Variants in TANC2 observed in about 807,000 individuals in gnomAD.
TANC2 encodes tetratricopeptide repeat, ankyrin repeat and coiled-coil containing 2.
TANC2 carries 26 observed loss-of-function variants against 210.5 expected under a neutral mutation model. The observed-to-expected ratio is 0.12, with a 90% confidence interval of 0.09 to 0.17. The LOEUF (loss-of-function observed/expected upper bound fraction) is 0.17. Among genes scored for constraint, TANC2 ranks in the 10% least tolerant of loss-of-function variants. TANC2 has a pLI of 1.00. For synonymous variants in TANC2, 931 were observed against 967.1 expected (o/e 0.96, Z 0.69); for missense variants, 2,129 against 2,608.9 (o/e 0.82, Z 4.01).
intron 4 of TANC2, among the ~76,000 whole-genome samples, chr17:63,104,909 G>A (rs1302005402): frequency 6.6e-6 from 1 of 151,554 alleles, no homozygotes; most frequent in African/African-American, 2.4e-5. Flanking sequence ...TCTAAACTAG[G>A]GTTGATAATA....
At chr17:63,088,943 C>T (rs1286900515) in intron 3 of TANC2, 1 of 152,164 alleles carries the variant, frequency 6.6e-6, no homozygotes, top group Non-Finnish European at 1.5e-5. Context: ...AACATTAGCA[C>T]TCCTTTTGAA....
chr17:63,257,989 C>T (rs1478420607), intron 8 of TANC2, among the ~76,000 whole-genome samples: 4 of 152,064 alleles, frequency 2.6e-5, no homozygotes, highest in East Asian at 1.9e-4. Flanking sequence ...CATTAATGTC[C>T]GTTTCTTTCA....
chr17:63,238,153 T>C, intron 8 of TANC2, 76 bp downstream of exon 8: 2 of 1,426,872 alleles, frequency 1.4e-6, no homozygotes, highest in Non-Finnish European at 1.8e-6. Flanking sequence ...GAAATGAAAA[T>C]AAATCCTGCT....
intron 14 of TANC2, among the ~76,000 whole-genome samples, chr17:63,367,771 T>C (rs2047152460): frequency 1.3e-5 from 2 of 152,214 alleles, no homozygotes; most frequent in South Asian, 4.1e-4. Context: ...GCAGCTATGA[T>C]GAGAGAATAA....
At chr17:63,106,096 A>G (rs142007877) in intron 4 of TANC2, among the ~76,000 whole-genome samples, 2,486 of 151,720 alleles carry the variant, frequency 0.016, 158 homozygotes, top group African/African-American at 0.057. Flanking sequence ...GGTTTATGAG[A>G]TAAAGATTAG....
chr17:62,999,758 A>T (rs2143694955), intron 1 of TANC2, among the ~76,000 whole-genome samples: 1 of 152,310 alleles, frequency 6.6e-6, no homozygotes, highest in Admixed American at 6.5e-5. Context: ...AAAGCAATGT[A>T]AATTGTTCTA....
intron 4 of TANC2, among the ~76,000 whole-genome samples, chr17:63,128,842 A>G (rs1440205712): frequency 6.6e-6 from 1 of 152,214 alleles, no homozygotes; most frequent in Non-Finnish European, 1.5e-5. Flanking sequence ...ACTTAGGTCA[A>G]AATTTAATTG....
intron 8 of TANC2, among the ~76,000 whole-genome samples, chr17:63,251,607 C>G (rs2043055311): frequency 6.6e-6 from 1 of 152,134 alleles, no homozygotes; most frequent in Admixed American, 6.6e-5. Context: ...ATGATAGATT[C>G]AGATAACACC....
rs549091414 is a variant in TANC2, at chr17:63,319,898, G to C, written c.1575+808G>C. On this transcript the variant is annotated intron_variant, in intron 11 of 27. Transcript: ENST00000689528. ...ACAGGCAGCCACTTTTACCTCTTAAGGAAGTTTCTCTGATTTTCACCTCCA... is the reference window on the plus strand; with the variant it reads ...ACAGGCAGCCACTTTTACCTCTTAACGAAGTTTCTCTGATTTTCACCTCCA... Among the ~76,000 whole-genome samples, 4 of 152,070 alleles carry C rather than the reference G, an allele frequency of 2.6e-5. No individual in the cohort carries two copies. The East Asian group carries it at 7.7e-4, about 29-fold the overall frequency.
intron 8 of TANC2, 149 bp from the exon 9 acceptor site, chr17:63,267,599 A>G: frequency 1.6e-6 from 1 of 645,048 alleles, no homozygotes; most frequent in Non-Finnish European, 2.4e-6. Context: ...TTAAAGGCAT[A>G]AAATACATGT....
chr17:63,249,789 G>A lies in TANC2; in HGVS notation c.1033+11712G>A, dbSNP rs546666027. On this transcript the variant is annotated intron_variant, in intron 8 of 27. Coordinates refer to ENST00000689528, the Ensembl canonical transcript of TANC2. ...TATAAGGACAGCAGAATGGCTTCTT[G>A]CCCAGGCAGGAGCAAACATACAGTG... Among the ~76,000 whole-genome samples the A allele has an allele frequency of 3.3e-5, 5 of 152,254 alleles. No individual in the cohort carries two copies. The South Asian group carries it at 8.3e-4, about 25-fold the overall frequency.
Position 63,210,824 on chromosome 17 carries a change from T to C in TANC2, c.769+9867T>C, listed in dbSNP as rs1193836605. On this transcript the variant is annotated intron_variant, in intron 7 of 27. Transcript: ENST00000689528. ...TTTTAACTACTGTTTCTATGTATTA[T>C]GTTTAATACTATAGAACATTTTAGG... Among the ~76,000 whole-genome samples the C allele has an allele frequency of 2.0e-5, 3 of 152,336 alleles. No homozygotes were observed. In the South Asian group the frequency reaches 6.2e-4, roughly 32 times the overall value.
chr17:63,255,030 T>C (rs1281874675), intron 8 of TANC2, among the ~76,000 whole-genome samples: 1 of 151,718 alleles, frequency 6.6e-6, no homozygotes, highest in Non-Finnish European at 1.5e-5. Context: ...CTTTTTTGAA[T>C]AGTTTGAGTA....
chr17:63,036,844 A>AG (rs922630124), intron 2 of TANC2, among the ~76,000 whole-genome samples: 2 of 147,470 alleles, frequency 1.4e-5, no homozygotes, highest in African/African-American at 5.0e-5. Flanking sequence ...CTTACATGTA[A>AG]GTTTTTTTTT....
intron 2 of TANC2, among the ~76,000 whole-genome samples, chr17:63,021,906 T>C (rs1383109892): frequency 6.6e-6 from 1 of 152,176 alleles, no homozygotes; most frequent in Non-Finnish European, 1.5e-5. Context: ...ATGTGGACAG[T>C]AAAGACCATT....
At chr17:63,242,451 A>G (rs977971082) in intron 8 of TANC2, among the ~76,000 whole-genome samples, 1 of 151,974 alleles carries the variant, frequency 6.6e-6, no homozygotes, top group Non-Finnish European at 1.5e-5. Context: ...CCTATACATG[A>G]TCCTCTGTAT....
chr17:63,187,481 C>G (rs1387296951), intron 5 of TANC2, among the ~76,000 whole-genome samples: 2 of 152,158 alleles, frequency 1.3e-5, no homozygotes, highest in East Asian at 3.9e-4. Flanking sequence ...CCATATATAG[C>G]TAGCTATTAT....
chr17:63,081,014 C>T (rs2036751366), intron 3 of TANC2, among the ~76,000 whole-genome samples: 1 of 151,986 alleles, frequency 6.6e-6, no homozygotes, highest in Admixed American at 6.6e-5. Flanking sequence ...TTGTTGGTAG[C>T]ATGTATTTAG....
rs1344798408 is a variant in TANC2, at chr17:63,193,802, G to T, written c.434-189G>T. On this transcript the variant is annotated intron_variant, in intron 5 of 27. Coordinates refer to ENST00000689528, the Ensembl canonical transcript of TANC2. ...TCCCTGGCTCATTTTTATTTGATTC[G>T]TGTAAATTTTTTACTTGGAAGCGAA... 4 of 522,206 alleles carry T rather than the reference G, an allele frequency of 7.7e-6. No individual in the cohort carries two copies. The East Asian group carries it at 1.1e-4, about 14-fold the overall frequency. The allele number at this position is 522,206 out of a possible 1,614,324, so 32.3% of individuals were successfully genotyped here.
Sources: gnomAD v4.1 joint callset for allele counts (sites outside exome capture counted in the v4.1 genomes callset) on GRCh38, gnomAD v4.1.1 for gene constraint, MANE v1.5 for transcripts, NCBI Gene and HGNC (gene_info 2026-07-23, HGNC 2026-07-21) for gene names.